SLC35F1: variants seen among roughly 807,000 people sequenced by gnomAD.
The protein encoded by SLC35F1 is solute carrier family 35 member F1, also known as chromosome 6 open reading frame 169.
Under a neutral mutation model 48.7 loss-of-function variants are expected in SLC35F1, and 14 were observed. That is an observed-to-expected ratio of 0.29 (90% CI 0.19 to 0.45). The LOEUF (loss-of-function observed/expected upper bound fraction) is 0.45, where lower values mean the gene tolerates loss of function less well. Among genes scored for constraint, SLC35F1 ranks in the 20% least tolerant of loss-of-function variants. SLC35F1 has a pLI of 1.00. For missense variants in SLC35F1, 404 were observed against 500.0 expected, an observed-to-expected ratio of 0.81 and a Z score of 1.83; for synonymous variants, 190 against 202.2, an observed-to-expected ratio of 0.94 and a Z score of 0.51.
At chr6:117,923,646 C>CACATATAT (rs1775943912) in intron 1 of SLC35F1, among the ~76,000 whole-genome samples, 12 of 102,010 alleles carry the variant, frequency 1.2e-4, no homozygotes, top group Non-Finnish European at 2.3e-4. Context: ...TACATATGTA[C>CACATATAT]ATATGTACAT....
chr6:118,263,902 C>G (rs1458821677), intron 3 of SLC35F1, among the ~76,000 whole-genome samples: 1 of 152,218 alleles, frequency 6.6e-6, no homozygotes, highest in Non-Finnish European at 1.5e-5. Flanking sequence ...CAAACAGTTT[C>G]TCTTCAACAG....
chr6:117,968,430 A>G (rs777688352), intron 1 of SLC35F1, among the ~76,000 whole-genome samples: 17 of 152,160 alleles, frequency 1.1e-4, no homozygotes, highest in Non-Finnish European at 1.8e-4. Flanking sequence ...TTTCTTTTGG[A>G]TGTTGAGGAG....
At chr6:118,287,005 T>C (rs1776059560) in intron 7 of SLC35F1, among the ~76,000 whole-genome samples, 2 of 152,112 alleles carry the variant, frequency 1.3e-5, no homozygotes, top group South Asian at 2.1e-4. Context: ...TTTTGCCCAA[T>C]ACAGTGGCAA....
chr6:118,310,975 A>G (rs894822417), intron 7 of SLC35F1, among the ~76,000 whole-genome samples: 2 of 152,134 alleles, frequency 1.3e-5, no homozygotes, highest in African/African-American at 4.8e-5. Context: ...GAGGAATCCA[A>G]TCCTTCTACC....
At chr6:118,232,937 A>C (rs898739493) in intron 2 of SLC35F1, among the ~76,000 whole-genome samples, 1 of 151,450 alleles carries the variant, frequency 6.6e-6, no homozygotes, top group African/African-American at 2.4e-5. Flanking sequence ...GAATCTCTAG[A>C]AGGGGGGCTG....
chr6:118,112,801 C>G (rs1773427386), intron 1 of SLC35F1, among the ~76,000 whole-genome samples: 1 of 152,066 alleles, frequency 6.6e-6, no homozygotes, highest in Non-Finnish European at 1.5e-5. Flanking sequence ...GAGTGGAAGA[C>G]AACCAAAAAA....
At chr6:118,256,101 T>G (rs1775639747) in intron 3 of SLC35F1, among the ~76,000 whole-genome samples, 1 of 152,076 alleles carries the variant, frequency 6.6e-6, no homozygotes, top group Non-Finnish European at 1.5e-5. Context: ...TGGTGACAAA[T>G]CCAGGCCACA....
chr6:117,923,775 G>GTA (rs1582564976), intron 1 of SLC35F1, among the ~76,000 whole-genome samples: 1 of 96,668 alleles, frequency 1.0e-5, no homozygotes, highest in African/African-American at 4.0e-5. Flanking sequence ...ACATACATAT[G>GTA]TATATATACA....
At chr6:117,968,066 T>A (rs969187162) in intron 1 of SLC35F1, among the ~76,000 whole-genome samples, 2 of 152,186 alleles carry the variant, frequency 1.3e-5, no homozygotes, top group African/African-American at 4.8e-5. Context: ...AATTAGGTGT[T>A]TATGTGAATT....
chr6:117,928,525 T>C (rs1355253146), intron 1 of SLC35F1, among the ~76,000 whole-genome samples: 1 of 151,962 alleles, frequency 6.6e-6, no homozygotes, highest in Non-Finnish European at 1.5e-5. Flanking sequence ...CTTAGGAAAA[T>C]AGTTTGATAC....
intron 7 of SLC35F1, among the ~76,000 whole-genome samples, chr6:118,288,016 T>TC (rs1776072256): frequency 6.6e-6 from 1 of 151,992 alleles, no homozygotes; most frequent in South Asian, 2.1e-4. Context: ...TTTGGGTTTT[T>TC]TTTTTTTTTG....
intron 1 of SLC35F1, among the ~76,000 whole-genome samples, chr6:117,950,312 T>C (rs1776347278): frequency 6.6e-6 from 1 of 152,180 alleles, no homozygotes. Flanking sequence ...TGGATGCTTG[T>C]GGAAGTTAAA....
At chr6:117,916,830 C>T (rs1775832033) in intron 1 of SLC35F1, among the ~76,000 whole-genome samples, 1 of 124,802 alleles carries the variant, frequency 8.0e-6, no homozygotes. Flanking sequence ...ACAGCTTCAC[C>T]TCAAGCTCTG....
intron 5 of SLC35F1, among the ~76,000 whole-genome samples, chr6:118,276,864 G>T (rs1282334910): frequency 6.6e-6 from 1 of 152,068 alleles, no homozygotes; most frequent in African/African-American, 2.4e-5. Flanking sequence ...ATATATTGAG[G>T]GCTCACTGGA....
At chr6:118,309,068 T>G (rs1776343272) in intron 7 of SLC35F1, among the ~76,000 whole-genome samples, 1 of 152,152 alleles carries the variant, frequency 6.6e-6, no homozygotes, top group Non-Finnish European at 1.5e-5. Flanking sequence ...AGGGGCAGTG[T>G]TCTCTCAGGC....
In SLC35F1 at chr6:117,986,966, A is replaced by G. The variant is rs113699575; in HGVS notation, c.173+79067A>G. ...CACTGACTTACATAATTAGGTAGGT[A>G]TAATAATTAAAAAATGCCTAGGGTA... On this transcript the variant is annotated intron_variant, in intron 1 of 7. Coordinates refer to ENST00000360388, the MANE Select transcript of SLC35F1 (RefSeq NM_001029858.4). 6.2e-3 allele frequency among the ~76,000 whole-genome samples: 944 copies of G among 152,260 alleles called. 9 individuals carry two copies. The highest frequency in any genetic ancestry group is 0.021 in the African/African-American group (893 of 41,566).
chr6:118,187,964 T>C (rs1044943849), intron 2 of SLC35F1, among the ~76,000 whole-genome samples: 3 of 152,238 alleles, frequency 2.0e-5, no homozygotes, highest in African/African-American at 7.2e-5. Context: ...TGTCAAGTCA[T>C]TGAGCAGTCA....
intron 1 of SLC35F1, among the ~76,000 whole-genome samples, chr6:118,150,486 G>T (rs1433433906): frequency 6.6e-6 from 1 of 152,074 alleles, no homozygotes; most frequent in Non-Finnish European, 1.5e-5. Context: ...GTGTGATTTT[G>T]TTCAGGAAAG....
rs1775207412 is a variant in SLC35F1 at position 118,225,762 on chromosome 6, GC to G, written c.350-9746del. On this transcript the variant is annotated intron_variant, in intron 2 of 7. Coordinates refer to ENST00000360388, the MANE Select transcript of SLC35F1 (RefSeq NM_001029858.4). Reference sequence around the variant, plus strand: ...GTAGTGGCAGGCGCCTGTAGTCCCAGCTACTTGGGAGGCTGAGGCAGGAGAA... The same window carrying G: ...GTAGTGGCAGGCGCCTGTAGTCCCAGTACTTGGGAGGCTGAGGCAGGAGAA... Among the ~76,000 whole-genome samples, 3 of 151,894 alleles carry G rather than the reference GC, an allele frequency of 2.0e-5. No individual in the cohort carries two copies. In the South Asian group the frequency reaches 6.2e-4, roughly 31 times the overall value.
Sources: gnomAD v4.1 joint callset for allele counts (sites outside exome capture counted in the v4.1 genomes callset) on GRCh38, gnomAD v4.1.1 for gene constraint, MANE v1.5 for transcripts, NCBI Gene and HGNC (gene_info 2026-07-23, HGNC 2026-07-21) for gene names.